Variants in GRIA4 observed in about 807,000 individuals in gnomAD.
The protein encoded by GRIA4 is glutamate ionotropic receptor AMPA type subunit 4.
GRIA4 carries 34 observed loss-of-function variants against 104.0 expected under a neutral mutation model. The observed-to-expected ratio is 0.33, with a 90% CI of 0.25 to 0.44. The LOEUF is 0.44. GRIA4 is among the 20% of genes least tolerant of loss of function. GRIA4 has a pLI of 1.00. For synonymous variants in GRIA4, 386 were observed against 381.9 expected (o/e 1.01, Z -0.13); for missense variants, 750 against 1,096.5 (o/e 0.68, Z 4.46).
intron 4 of GRIA4, among the ~76,000 whole-genome samples, chr11:105,846,307 C>A (rs1206531406): frequency 6.6e-6 from 1 of 151,726 alleles, no homozygotes; most frequent in Non-Finnish European, 1.5e-5. Context: ...ATTGTTTTGA[C>A]AACACCTGTA....
Position 105,898,418 on chromosome 11 carries a change from T to G in GRIA4, c.876T>G (p.Thr292=). 1.9e-6 allele frequency: 3 copies of G among 1,570,238 alleles called. No individual in the cohort carries two copies. The highest frequency in any genetic ancestry group is 2.6e-6 in the Non-Finnish European group (3 of 1,141,794). The change falls in exon 7 of 17, where the codon ACT becomes ACG. Residue 292 remains threonine (T), a synonymous_variant. Coordinates refer to ENST00000282499, the MANE Select transcript of GRIA4 (RefSeq NM_000829.4). ...AGAGAGAGTATCCAGGATCTGAGAC[T>G]CCTCCAAAGGTATTTGTTTATTTTT... is the stretch of plus-strand genomic sequence containing the variant. The part of the protein sequence containing the change: ...LDQREYPGSE[T]PPKYTSALTY...
chr11:105,626,243 T>C (rs544309532), intron 3 of GRIA4, among the ~76,000 whole-genome samples: 3 of 152,064 alleles, frequency 2.0e-5, no homozygotes, highest in East Asian at 1.9e-4. Flanking sequence ...TGCAACTACA[T>C]TGGATAAAGG....
chr11:105,807,962 A>T lies in GRIA4; in HGVS notation c.488-54062A>T, dbSNP rs76291282. 2.9e-3 allele frequency among the ~76,000 whole-genome samples: 445 copies of T among 151,902 alleles called. 3 individuals are homozygous for T. The highest frequency in any genetic ancestry group is 4.2e-3 in the Non-Finnish European group (284 of 67,866). Reference sequence around the variant, plus strand: ...CTGTTTTCAATGTTAATTTTATTTGATCTACTTCAATTTTCATATCTCAAT... The same window carrying T: ...CTGTTTTCAATGTTAATTTTATTTGTTCTACTTCAATTTTCATATCTCAAT... On this transcript the variant is annotated intron_variant, in intron 4 of 16. Coordinates refer to ENST00000282499, the MANE Select transcript of GRIA4 (RefSeq NM_000829.4).
At chr11:105,802,107 A>G (rs1445999706) in intron 4 of GRIA4, among the ~76,000 whole-genome samples, 3 of 152,092 alleles carry the variant, frequency 2.0e-5, no homozygotes, top group South Asian at 2.1e-4. Flanking sequence ...GAGACTCATC[A>G]GTTTAGTCAG....
intron 4 of GRIA4, among the ~76,000 whole-genome samples, chr11:105,785,778 C>T (rs1320071575): frequency 6.6e-6 from 1 of 152,042 alleles, no homozygotes; most frequent in African/African-American, 2.4e-5. Flanking sequence ...TGGTGGCAAA[C>T]TCTTGGTTTA....
intron 3 of GRIA4, among the ~76,000 whole-genome samples, chr11:105,663,157 C>A (rs891614280): frequency 1.4e-5 from 2 of 140,160 alleles, no homozygotes; most frequent in African/African-American, 5.0e-5. Flanking sequence ...ATATCAAGTT[C>A]ATTGATTTAT....
At chr11:105,965,726 C>T (rs958586361) in intron 14 of GRIA4, among the ~76,000 whole-genome samples, 1 of 151,994 alleles carries the variant, frequency 6.6e-6, no homozygotes, top group Non-Finnish European at 1.5e-5. Flanking sequence ...TGACAATAAA[C>T]GAACTGTGAA....
rs148293195 is a variant in GRIA4, at chr11:105,871,439, G to A, written c.672+9231G>A. On this transcript the variant is annotated intron_variant, in intron 5 of 16. Coordinates refer to ENST00000282499, the MANE Select transcript of GRIA4 (RefSeq NM_000829.4). ...AGGTCAATCTAGTTTATTAGGGAGA[G>A]GTTTTTTTTTGTGTTTTATTTCTAT... Among the ~76,000 whole-genome samples the A allele has an allele frequency of 1.4e-3, 208 of 150,456 alleles. 1 individual carries two copies. Among genetic ancestry groups the A allele is most frequent in the African/African-American group, 4.8e-3 (197 of 41,052 alleles).
chr11:105,641,772 T>C (rs1951367642), intron 3 of GRIA4, among the ~76,000 whole-genome samples: 1 of 152,204 alleles, frequency 6.6e-6, no homozygotes, highest in South Asian at 2.1e-4. Flanking sequence ...GTGTTACTAG[T>C]AGTCTATTTC....
At chr11:105,814,087 T>G (rs1943283365) in intron 4 of GRIA4, among the ~76,000 whole-genome samples, 1 of 152,146 alleles carries the variant, frequency 6.6e-6, no homozygotes, top group Non-Finnish European at 1.5e-5. Context: ...ACTTGATGTG[T>G]TGCAAAATGA....
chr11:105,974,172 C>A, intron 15 of GRIA4, 138 bp from the exon 16 acceptor site: 2 of 794,524 alleles, frequency 2.5e-6, no homozygotes, highest in Non-Finnish European at 4.1e-6. Flanking sequence ...CATTAGCCTA[C>A]ATCAGTGACT....
At chr11:105,736,539 G>GTA (rs759721485) in intron 3 of GRIA4, among the ~76,000 whole-genome samples, 3 of 151,812 alleles carry the variant, frequency 2.0e-5, no homozygotes, top group Non-Finnish European at 4.4e-5. Flanking sequence ...TCCTTGTATA[G>GTA]TATATATATA....
intron 4 of GRIA4, among the ~76,000 whole-genome samples, chr11:105,761,484 G>A (rs1940648073): frequency 1.3e-5 from 2 of 152,142 alleles, no homozygotes; most frequent in East Asian, 3.9e-4. Flanking sequence ...TTATTCTTGA[G>A]TTTAAACACT....
intron 3 of GRIA4, among the ~76,000 whole-genome samples, chr11:105,732,373 G>A (rs1938654020): frequency 6.6e-6 from 1 of 152,154 alleles, no homozygotes; most frequent in Non-Finnish European, 1.5e-5. Flanking sequence ...AGAAGCTGCT[G>A]TTGTGTGGAG....
intron 13 of GRIA4, among the ~76,000 whole-genome samples, chr11:105,927,705 T>A (rs1420085411): frequency 1.3e-5 from 2 of 152,118 alleles, no homozygotes; most frequent in African/African-American, 2.4e-5. Flanking sequence ...GAATTTTTTT[T>A]ATCAAAAAAC....
intron 3 of GRIA4, among the ~76,000 whole-genome samples, chr11:105,702,703 T>A (rs915111318): frequency 4.2e-5 from 6 of 142,088 alleles, no homozygotes; most frequent in Non-Finnish European, 9.2e-5. Context: ...TCTTTTTTTT[T>A]TTTTTTTTTT....
intron 5 of GRIA4, among the ~76,000 whole-genome samples, chr11:105,873,531 A>T (rs1290644640): frequency 5.9e-5 from 9 of 151,772 alleles, no homozygotes; most frequent in Admixed American, 5.9e-4. Flanking sequence ...ACTAATTTAC[A>T]CTCCCTCCAA....
intron 4 of GRIA4, among the ~76,000 whole-genome samples, chr11:105,788,216 C>T (rs1156862077): frequency 6.6e-6 from 1 of 151,972 alleles, no homozygotes; most frequent in Non-Finnish European, 1.5e-5. Context: ...ATAACTAAGA[C>T]ATTTTATTAT....
chr11:105,715,157 C>T (rs1954047962), intron 3 of GRIA4, among the ~76,000 whole-genome samples: 1 of 152,178 alleles, frequency 6.6e-6, no homozygotes, highest in Admixed American at 6.6e-5. Context: ...CACTTATTTG[C>T]TACATGTTAC....
Sources: allele counts gnomAD v4.1 joint callset (sites outside exome capture counted in the v4.1 genomes callset), GRCh38; gene constraint gnomAD v4.1.1; transcripts MANE v1.5; gene names NCBI Gene and HGNC (gene_info 2026-07-23, HGNC 2026-07-21).